The following AGBL4 variants were observed in gnomAD, a reference collection of about 807,000 sequenced individuals.
AGBL4 encodes the protein cytosolic carboxypeptidase 6.
AGBL4 carries 58 observed loss-of-function variants against 66.4 expected under a neutral mutation model. The observed-to-expected ratio is 0.87, with a 90% CI of 0.71 to 1.09. The LOEUF is 1.09. Among genes scored for constraint, AGBL4 ranks in the 50% least tolerant of loss-of-function variants. AGBL4 has a pLI of 0.00. For missense variants in AGBL4, 579 were observed against 631.0 expected, an observed-to-expected ratio of 0.92 and a Z score of 0.88; for synonymous variants, 234 against 222.9, an observed-to-expected ratio of 1.05 and a Z score of -0.44.
At chr1:49,287,217 A>T (rs1334137347) in intron 3 of AGBL4, among the ~76,000 whole-genome samples, 1 of 136,476 alleles carries the variant, frequency 7.3e-6, no homozygotes, top group Non-Finnish European at 1.6e-5. Context: ...TCAATTCAAG[A>T]TGGATTAAAG....
chr1:49,465,876 C>A, intron 3 of AGBL4, among the ~76,000 whole-genome samples: 1 of 151,944 alleles, frequency 6.6e-6, no homozygotes, highest in African/African-American at 2.4e-5. Context: ...AATGATCTTT[C>A]TGTGGGGAGA....
chr1:49,687,807 G>C (rs900447696), intron 3 of AGBL4, among the ~76,000 whole-genome samples: 2 of 151,730 alleles, frequency 1.3e-5, no homozygotes, highest in Non-Finnish European at 2.9e-5. Context: ...AAAAATACAA[G>C]TATGTTCATG....
chr1:48,575,648 T>C (rs1644641498), intron 11 of AGBL4, among the ~76,000 whole-genome samples: 1 of 152,176 alleles, frequency 6.6e-6, no homozygotes, highest in Non-Finnish European at 1.5e-5. Context: ...TCTCTCTGCC[T>C]GCAGAGCACT....
chr1:49,427,394 G>C (rs544575881), intron 3 of AGBL4, among the ~76,000 whole-genome samples: 7 of 151,542 alleles, frequency 4.6e-5, no homozygotes, highest in African/African-American at 1.7e-4. Flanking sequence ...CCTTCAGAAG[G>C]GTAAAGCTTG....
chr1:48,587,239 C>T (rs2148341300), intron 10 of AGBL4, 73 bp from the exon 11 acceptor site: 3 of 1,446,772 alleles, frequency 2.1e-6, no homozygotes, highest in South Asian at 2.8e-5. Flanking sequence ...AATTTTACAA[C>T]ACCTCTGGGT....
At chr1:49,742,132 G>C (rs1450748754) in intron 2 of AGBL4, among the ~76,000 whole-genome samples, 3 of 152,128 alleles carry the variant, frequency 2.0e-5, no homozygotes, top group African/African-American at 7.2e-5. Context: ...CAGATGACAT[G>C]ATTGTATATC....
chr1:48,792,163 T>C (rs559136146), intron 6 of AGBL4, among the ~76,000 whole-genome samples: 139 of 152,158 alleles, frequency 9.1e-4, no homozygotes, highest in African/African-American at 3.0e-3. Flanking sequence ...CAGAGACACA[T>C]AGGAGGAATG....
In AGBL4 at chr1:49,066,129, C is replaced by A. The variant is rs542643811; in HGVS notation, c.378-20329G>T. On this transcript the variant is annotated intron_variant, in intron 4 of 13. Transcript: ENST00000371839. ...AAGGGACAAATGGAAGGAGAGAGGC[C>A]TTAATGGAAGATTCACGTGAGAGCA... Among the ~76,000 whole-genome samples, 3 of 152,238 alleles carry A rather than the reference C, an allele frequency of 2.0e-5. No homozygotes were observed. The South Asian group carries it at 6.2e-4, about 32-fold the overall frequency.
At chr1:49,769,069 G>A (rs1277170039) in intron 2 of AGBL4, among the ~76,000 whole-genome samples, 4 of 152,078 alleles carry the variant, frequency 2.6e-5, no homozygotes, top group South Asian at 4.2e-4. Flanking sequence ...GGATGGTCTC[G>A]ATCTTGTGAC....
At chr1:49,181,228 G>A (rs371622511) in intron 4 of AGBL4, among the ~76,000 whole-genome samples, 3 of 152,026 alleles carry the variant, frequency 2.0e-5, no homozygotes, top group South Asian at 2.1e-4. Flanking sequence ...TCCTACCTCC[G>A]CAGCCTTGTA....
At chr1:49,394,763 G>A (rs896679558) in intron 3 of AGBL4, among the ~76,000 whole-genome samples, 1 of 152,104 alleles carries the variant, frequency 6.6e-6, no homozygotes, top group Non-Finnish European at 1.5e-5. Flanking sequence ...TTGTTTCAGA[G>A]ATAAGTCCGC....
At chr1:48,861,796 G>A (rs996776992) in intron 6 of AGBL4, among the ~76,000 whole-genome samples, 14 of 152,290 alleles carry the variant, frequency 9.2e-5, no homozygotes, top group Admixed American at 3.9e-4. Context: ...TTTCAGCAGG[G>A]AGTAGCCAGA....
chr1:49,285,401 G>A (rs965293055), intron 3 of AGBL4, among the ~76,000 whole-genome samples: 2 of 151,950 alleles, frequency 1.3e-5, no homozygotes, highest in Admixed American at 6.6e-5. Context: ...AGCACTAAAT[G>A]CCCACAAGAG....
chr1:49,886,427 G>A (rs1030610116), intron 1 of AGBL4, among the ~76,000 whole-genome samples: 1 of 152,112 alleles, frequency 6.6e-6, no homozygotes, highest in Non-Finnish European at 1.5e-5. Flanking sequence ...CTAGATCATG[G>A]AAGGCATTGT....
chr1:49,724,157 T>C (rs1431524474), intron 2 of AGBL4, among the ~76,000 whole-genome samples: 4 of 152,176 alleles, frequency 2.6e-5, no homozygotes, highest in African/African-American at 7.2e-5. Context: ...TATTGGATGA[T>C]ATACTTCAAG....
At chr1:48,940,262 C>T (rs1053078124) in intron 5 of AGBL4, among the ~76,000 whole-genome samples, 7 of 152,114 alleles carry the variant, frequency 4.6e-5, no homozygotes, top group Non-Finnish European at 1.0e-4. Flanking sequence ...CCTGTAATCC[C>T]AGCTACTCAG....
At chr1:49,206,749 T>G (rs896359114) in intron 4 of AGBL4, among the ~76,000 whole-genome samples, 7 of 152,038 alleles carry the variant, frequency 4.6e-5, no homozygotes, top group Non-Finnish European at 1.5e-5. Context: ...TGGAGGCCAG[T>G]ACATTCTGGA....
rs960448925 is a variant in AGBL4, at chr1:48,540,060, C to A, written c.1268-322G>T. Among the ~76,000 whole-genome samples the A allele has an allele frequency of 2.0e-5, 3 of 152,152 alleles. No homozygotes were observed. The East Asian group carries it at 5.8e-4, about 29-fold the overall frequency. ...TGTGCTCATAGCTTTCAGGGTACAGCCCTTTGGAAATCACTGGGCTGCTCT... is the reference window on the plus strand; with the variant it reads ...TGTGCTCATAGCTTTCAGGGTACAGACCTTTGGAAATCACTGGGCTGCTCT... On this transcript the variant is annotated intron_variant, in intron 11 of 13. Transcript: ENST00000371839.
intron 3 of AGBL4, among the ~76,000 whole-genome samples, chr1:49,391,566 T>C (rs1157041498): frequency 5.3e-5 from 1 of 18,700 alleles, no homozygotes; most frequent in Non-Finnish European, 1.3e-4. Context: ...TTTTTTTGTT[T>C]TTTTTTTTTT....
Sources: gnomAD v4.1 joint callset for allele counts (sites outside exome capture counted in the v4.1 genomes callset) on GRCh38, gnomAD v4.1.1 for gene constraint, MANE v1.5 for transcripts, NCBI Gene and HGNC (gene_info 2026-07-23, HGNC 2026-07-21) for gene names.